The following NUP188 variants were observed in gnomAD, a reference collection of about 807,000 sequenced individuals.
The protein encoded by NUP188 is nucleoporin 188.
A neutral mutation model predicts 223.0 loss-of-function variants in NUP188; 97 were observed. The observed-to-expected ratio is 0.43, with a 90% CI of 0.37 to 0.51. NUP188 has a LOEUF of 0.51. Among genes scored for constraint, NUP188 ranks in the 20% least tolerant of loss-of-function variants. The pLI, the probability that NUP188 is intolerant of heterozygous loss-of-function variation, is 0.00. For missense variants in NUP188, 1,947 were observed against 2,175.6 expected (o/e 0.89, Z 2.09); for synonymous variants, 869 against 828.0 (o/e 1.05, Z -0.85).
intron 8 of NUP188, among the ~76,000 whole-genome samples, chr9:128,963,919 C>A (rs1311576535): frequency 6.6e-6 from 1 of 151,604 alleles, no homozygotes; most frequent in Non-Finnish European, 1.5e-5. Flanking sequence ...TGAGTTCAAG[C>A]GATTCTCCTG....
intron 24 of NUP188, among the ~76,000 whole-genome samples, chr9:128,989,153 G>T (rs1842380325): frequency 6.6e-6 from 1 of 152,084 alleles, no homozygotes; most frequent in Non-Finnish European, 1.5e-5. Flanking sequence ...CAGCACTTTG[G>T]GACGGTGAGG....
intron 15 of NUP188, 109 bp from the exon 16 acceptor site, chr9:128,982,440 T>A (rs779889962): frequency 2.1e-5 from 21 of 1,019,924 alleles, no homozygotes; most frequent in African/African-American, 4.9e-5. Flanking sequence ...AAAAAAAAAA[T>A]GTCTGTGAGT....
At chr9:129,003,290 T>C in intron 37 of NUP188, 27 bp from the exon 38 acceptor site, 1 of 1,588,512 alleles carries the variant, frequency 6.3e-7, no homozygotes, top group Non-Finnish European at 8.5e-7. Context: ...CATCCCCATC[T>C]TTCCCTGATG....
At chr9:128,981,417 GA>G (rs1399007206) in intron 15 of NUP188, 27 bp downstream of exon 15, 5 of 1,577,294 alleles carry the variant, frequency 3.2e-6, no homozygotes, top group Non-Finnish European at 4.3e-6. Flanking sequence ...CCCCTTTTAT[GA>G]CAGCTTTTTT....
At chr9:128,982,116 T>C (rs1332245603) in intron 15 of NUP188, among the ~76,000 whole-genome samples, 3 of 151,400 alleles carry the variant, frequency 2.0e-5, no homozygotes, top group African/African-American at 4.9e-5. Flanking sequence ...CAAGAACTTT[T>C]TTGTGTATTT....
At chr9:129,002,727 C>T (rs1221942596) in intron 36 of NUP188, 90 bp from the exon 37 acceptor site, 1 of 1,381,300 alleles carries the variant, frequency 7.2e-7, no homozygotes, top group Non-Finnish European at 9.9e-7. Flanking sequence ...CTTTTCCTTT[C>T]AGCGCAGCTG....
intron 12 of NUP188, among the ~76,000 whole-genome samples, chr9:128,976,060 T>G (rs1196253025): frequency 6.6e-6 from 1 of 152,130 alleles, no homozygotes; most frequent in Non-Finnish European, 1.5e-5. Flanking sequence ...TGACCTCAAG[T>G]GATCTGCCTG....
intron 17 of NUP188, 124 bp from the exon 18 acceptor site, chr9:128,983,169 G>T (rs1021539058): frequency 1.4e-6 from 2 of 1,418,012 alleles, no homozygotes; most frequent in African/African-American, 2.8e-5. Context: ...TATCTGTGAG[G>T]GTTTTCCTGT....
intron 12 of NUP188, among the ~76,000 whole-genome samples, chr9:128,977,995 T>C (rs1842202995): frequency 6.6e-6 from 1 of 152,182 alleles, no homozygotes; most frequent in Admixed American, 6.5e-5. Flanking sequence ...GATAAAGCAT[T>C]TCTGGCTCAG....
intron 33 of NUP188, 128 bp from the exon 34 acceptor site, chr9:128,999,496 C>A: frequency 8.4e-7 from 1 of 1,183,916 alleles, no homozygotes; most frequent in Non-Finnish European, 1.2e-6. Context: ...CCTCCTCTCC[C>A]ACTGGACAGA....
chr9:128,985,970 C>T (rs1588283550), intron 20 of NUP188, among the ~76,000 whole-genome samples: 1 of 151,798 alleles, frequency 6.6e-6, no homozygotes, highest in Non-Finnish European at 1.5e-5. Flanking sequence ...ACCTGGGAGG[C>T]GGAGGTTGCA....
chr9:128,961,661 G>C lies in NUP188; in HGVS notation c.585+2527G>C, dbSNP rs145830282. 2.6e-3 allele frequency among the ~76,000 whole-genome samples: 349 copies of C among 134,896 alleles called. 7 individuals are homozygous for C. The East Asian group carries it at 0.043, about 17-fold the overall frequency. 88.5% of individuals were successfully genotyped at this position (134,896 alleles called of 152,430 possible). On this transcript the variant is annotated intron_variant, in intron 8 of 43. Transcript: ENST00000372577. The stretch of plus-strand genomic sequence containing the variant: ...TTTGAGACGGAGTTTCGCTCTTGTT[G>C]CCCAGGCTGGAGTTCGATGGCGTGA...
chr9:128,988,009 C>T, intron 23 of NUP188, 38 bp from the exon 24 acceptor site: 1 of 1,608,392 alleles, frequency 6.2e-7, no homozygotes, highest in Non-Finnish European at 8.5e-7. Flanking sequence ...TGAAGTCATA[C>T]TGTCTGAATC....
chr9:128,987,511 A>C, intron 22 of NUP188, 78 bp from the exon 23 acceptor site: 2 of 1,474,688 alleles, frequency 1.4e-6, no homozygotes, highest in East Asian at 2.3e-5. Context: ...TAGCCACCCT[A>C]GCCTAATTGG....
intron 3 of NUP188, among the ~76,000 whole-genome samples, 164 bp from the exon 4 acceptor site, chr9:128,956,185 GT>G (rs1564550040): frequency 1.5e-3 from 155 of 105,910 alleles, no homozygotes; most frequent in African/African-American, 9.2e-3. Flanking sequence ...GTGAATGGGT[GT>G]GTGTGTGTGT....
chr9:129,005,465 C>T lies in NUP188; in HGVS notation c.4672C>T (p.Leu1558Phe), dbSNP rs1481693388. The T allele has an allele frequency of 6.2e-7, 1 of 1,606,386 alleles. No homozygotes were observed. The highest frequency in any genetic ancestry group is 1.3e-5 in the African/African-American group (1 of 74,926). ...AGTCCAGTATGGCCTTCTCAAGATC[C>T]TCAGCAAGACGCTGGCAGCCCTGCG... is the stretch of plus-strand genomic sequence containing the variant. Reference protein sequence around the residue: ...HTVQYGLLKILSKTLAALRHF... With the variant: ...HTVQYGLLKIFSKTLAALRHF... Residue 1558 changes from leucine to phenylalanine, a missense_variant, in exon 40 of 44, where the codon CTC (leucine) becomes TTC (phenylalanine). This residue lies in a region of NUP188 where 905 missense variants were observed against 990.6 expected (regional missense o/e 0.91). Transcript: ENST00000372577.
chr9:128,954,870 T>G (rs1378777549), intron 3 of NUP188, among the ~76,000 whole-genome samples: 1 of 151,750 alleles, frequency 6.6e-6, no homozygotes, highest in Non-Finnish European at 1.5e-5. Context: ...TTTTTTTTTT[T>G]GAGATGGAGT....
intron 32 of NUP188, 30 bp from the exon 33 acceptor site, chr9:128,999,142 C>T (rs1326677404): frequency 9.3e-6 from 15 of 1,607,784 alleles, no homozygotes; most frequent in Admixed American, 1.7e-5. Flanking sequence ...CATGAGCCAC[C>T]ACGCCTGGCC....
At chr9:128,961,560 A>ATATATC (rs906128404) in intron 8 of NUP188, among the ~76,000 whole-genome samples, 1 of 148,832 alleles carries the variant, frequency 6.7e-6, no homozygotes, top group Non-Finnish European at 1.5e-5. Flanking sequence ...GACACACTAT[A>ATATATC]TATATCTATA....
Sources: allele counts gnomAD v4.1 joint callset (sites outside exome capture counted in the v4.1 genomes callset), GRCh38; gene constraint gnomAD v4.1.1; regional missense constraint gnomAD v4.1.1; transcripts MANE v1.5; gene names NCBI Gene and HGNC (gene_info 2026-07-23, HGNC 2026-07-21).